NBN: variants seen among roughly 807,000 people sequenced by gnomAD.
NBN encodes the protein nibrin.
In NBN, 88 loss-of-function variants were observed where a neutral mutation model predicts 90.8. The ratio of observed to expected loss-of-function variants is 0.97; its 90% CI spans 0.82 to 1.16. NBN has a LOEUF of 1.16. Among genes scored for constraint, NBN ranks in the 50% most tolerant of loss-of-function variants. The pLI is 0.00. For synonymous variants in NBN, 328 were observed against 295.1 expected (o/e 1.11, Z -1.14); for missense variants, 894 against 869.6 (o/e 1.03, Z -0.35).
At chr8:89,980,369 A>AG (rs146487697) in intron 4 of NBN, among the ~76,000 whole-genome samples, 3,426 of 152,152 alleles carry the variant, frequency 0.023, 127 homozygotes, top group African/African-American at 0.077. Flanking sequence ...ACTTGATAGA[A>AG]AGACATGAGA....
rs186391358 is a variant in NBN, at chr8:89,973,781, C to T, written c.585-2491G>A. Among the ~76,000 whole-genome samples, 28 of 152,214 alleles carry T rather than the reference C, an allele frequency of 1.8e-4. No homozygotes were observed. In the East Asian group the frequency reaches 5.2e-3, roughly 28 times the overall value. ...CAAAAACTGGAAAATAGGAAAGTAACCTGTCAGAGACCTAGGCTAGAGGCA... is the reference window on the plus strand; with the variant it reads ...CAAAAACTGGAAAATAGGAAAGTAATCTGTCAGAGACCTAGGCTAGAGGCA... On this transcript the variant is annotated intron_variant, in intron 5 of 15. Coordinates refer to ENST00000265433, the MANE Select transcript of NBN (RefSeq NM_002485.5).
In NBN at chr8:89,937,524, T is replaced by G. The variant is rs541525812; in HGVS notation, c.2185-449A>C. On this transcript the variant is annotated intron_variant, in intron 14 of 15. Transcript: ENST00000265433. ...CAGGGCTTAGAAGCTGCTGCTAAAT[T>G]ACCTCTCCTCTGAAGTCCTTTTAAA... 2.6e-5 allele frequency among the ~76,000 whole-genome samples: 4 copies of G among 152,308 alleles called. No homozygotes were observed. The East Asian group carries it at 7.7e-4, about 29-fold the overall frequency.
chr8:89,948,323 T>A (rs958188661), intron 11 of NBN, among the ~76,000 whole-genome samples: 8 of 152,234 alleles, frequency 5.3e-5, no homozygotes, highest in African/African-American at 1.7e-4. Flanking sequence ...TTTTATTTTC[T>A]ACATGTCTGT....
chr8:89,978,282 T>C lies in NBN; in HGVS notation c.522A>G (p.Pro174=), dbSNP rs1489530490. The part of the protein sequence containing the change: ...ALICGRPIVK[P]EYFTEFLKAV... ...CTTTCAGGAATTCAGTAAAATATTC[T>C]GGCTTTACAATTGGACGTCCACAAA... The change falls in exon 5 of 16, where the codon CCA becomes CCG. Residue 174 remains proline, a synonymous_variant. Transcript: ENST00000265433. 2 of 1,599,230 alleles carry C rather than the reference T, an allele frequency of 1.3e-6. No individual in the cohort carries two copies. The highest frequency in any genetic ancestry group is 4.5e-5 in the East Asian group (2 of 44,714).
chr8:89,940,613 C>A, intron 14 of NBN, among the ~76,000 whole-genome samples: 2 of 141,986 alleles, frequency 1.4e-5, no homozygotes, highest in Non-Finnish European at 1.5e-5. Flanking sequence ...AAAGCTACTC[C>A]ATCTACTAGA....
At chr8:89,950,747 A>C (rs1245065988) in intron 11 of NBN, among the ~76,000 whole-genome samples, 1 of 105,764 alleles carries the variant, frequency 9.5e-6, no homozygotes, top group East Asian at 3.5e-4. Context: ...ATTAAATGAA[A>C]GTTTCTTTCG....
chr8:89,956,075 C>G (rs1805787), intron 9 of NBN, among the ~76,000 whole-genome samples: 30,488 of 151,248 alleles, frequency 0.2, 4,157 homozygotes, highest in Non-Finnish European at 0.31. Flanking sequence ...GAGAATAGAA[C>G]AGAACTTTAG....
intron 7 of NBN, among the ~76,000 whole-genome samples, chr8:89,965,496 T>C (rs1811211032): frequency 6.6e-6 from 1 of 152,106 alleles, no homozygotes; most frequent in East Asian, 1.9e-4. Flanking sequence ...AAGATTTTTT[T>C]TTTTTTTTCT....
At chr8:89,947,202 C>T (rs1251977174) in intron 12 of NBN, among the ~76,000 whole-genome samples, 1 of 152,162 alleles carries the variant, frequency 6.6e-6, no homozygotes, top group Non-Finnish European at 1.5e-5. Flanking sequence ...AAAGCATCAA[C>T]CTCATTTTAT....
At chr8:89,935,935 C>T (rs866488417) in intron 15 of NBN, among the ~76,000 whole-genome samples, 4 of 152,084 alleles carry the variant, frequency 2.6e-5, no homozygotes, top group Admixed American at 6.5e-5. Context: ...CCCATTCCTC[C>T]CCATAATAAA....
At chr8:89,980,924 T>G (rs750146053) in intron 3 of NBN, 31 bp from the exon 4 acceptor site, 3 of 1,603,576 alleles carry the variant, frequency 1.9e-6, no homozygotes, top group African/African-American at 2.7e-5. Context: ...AATAAAGTCA[T>G]AGTATCAGAG....
chr8:89,938,378 T>TTAA (rs1297271374), intron 14 of NBN, among the ~76,000 whole-genome samples: 1 of 152,194 alleles, frequency 6.6e-6, no homozygotes, highest in Non-Finnish European at 1.5e-5. Flanking sequence ...ACTGACAATG[T>TTAA]TAAGGACTTA....
intron 9 of NBN, 39 bp downstream of exon 9, chr8:89,958,686 T>C (rs373256780): frequency 1.6e-5 from 26 of 1,599,462 alleles, no homozygotes; most frequent in African/African-American, 4.0e-5. Flanking sequence ...AATTTATTGA[T>C]AGAATAATAA....
At chr8:89,941,453 T>C (rs1456022781) in intron 14 of NBN, among the ~76,000 whole-genome samples, 1 of 152,206 alleles carries the variant, frequency 6.6e-6, no homozygotes, top group Non-Finnish European at 1.5e-5. Context: ...AATATGAAGT[T>C]TAAAACTACC....
intron 8 of NBN, 131 bp from the exon 9 acceptor site, chr8:89,958,985 A>G: frequency 8.3e-7 from 1 of 1,203,628 alleles, no homozygotes; most frequent in South Asian, 1.2e-5. Context: ...GGTTTTCTCC[A>G]ATGAGTGGTA....
chr8:89,970,217 C>A, intron 7 of NBN, 147 bp downstream of exon 7: 9 of 662,380 alleles, frequency 1.4e-5, no homozygotes, highest in Non-Finnish European at 2.0e-5. Context: ...CCACTGCACT[C>A]CAGCCTGGGC....
At chr8:89,979,034 G>A (rs1811917105) in intron 4 of NBN, among the ~76,000 whole-genome samples, 1 of 152,216 alleles carries the variant, frequency 6.6e-6, no homozygotes, top group African/African-American at 2.4e-5. Flanking sequence ...CTGGACTGCA[G>A]TGGCGTGATC....
intron 5 of NBN, among the ~76,000 whole-genome samples, chr8:89,972,670 CTTCT>C (rs1349950041): frequency 6.6e-6 from 1 of 152,174 alleles, no homozygotes; most frequent in Non-Finnish European, 1.5e-5. Context: ...ATAACTTATA[CTTCT>C]TTCTTAGTGT....
At position 89,958,854 on chromosome 8, in the gene NBN, C is replaced by T. The variant is rs2129747182; in HGVS notation, c.995G>A (p.Gly332Glu). 1 of 1,613,516 alleles carries T rather than the reference C, an allele frequency of 6.2e-7. No homozygotes were observed. The highest frequency in any genetic ancestry group is 8.5e-7 in the Non-Finnish European group (1 of 1,179,584). The change falls in exon 9 of 16, where the codon GGA becomes GAA. Residue 332 changes from glycine to glutamate, a missense_variant and splice_region_variant. Gly to Glu is a moderately conservative substitution (Grantham distance 98). Transcript: ENST00000265433. The part of the protein sequence containing the change: ...YCDPQGHPST[G>E]LKTTTPGPSL... ...TGGTCCTGGAGTTGTTGTCTTTAATCCTGTAAATCACACAAGTAGAAAGAA... is the reference window on the plus strand; with the variant it reads ...TGGTCCTGGAGTTGTTGTCTTTAATTCTGTAAATCACACAAGTAGAAAGAA...
Sources: allele counts gnomAD v4.1 joint callset (sites outside exome capture counted in the v4.1 genomes callset), GRCh38; gene constraint gnomAD v4.1.1; transcripts MANE v1.5; gene names NCBI Gene and HGNC (gene_info 2026-07-23, HGNC 2026-07-21).